Variants in SAGE1 observed in about 807,000 individuals in gnomAD.
SAGE1 encodes the protein sarcoma antigen 1, also known as cancer/testis antigen 14.
A neutral mutation model predicts 55.4 loss-of-function variants in SAGE1; 55 were observed. The ratio of observed to expected loss-of-function variants is 0.99; its 90% CI spans 0.80 to 1.24. The LOEUF (loss-of-function observed/expected upper bound fraction) is 1.24. Ranked by LOEUF, SAGE1 falls within the 50% of genes most tolerant of loss-of-function variation. The probability of loss-of-function intolerance (pLI) is 0.00; values close to 1 mark genes in which losing one functional copy is unlikely to be tolerated. For missense variants in SAGE1, 710 were observed against 704.4 expected, an observed-to-expected ratio of 1.01 and a Z score of -0.09; for synonymous variants, 240 against 244.3, an observed-to-expected ratio of 0.98 and a Z score of 0.17.
At chrX:135,912,464 T>C (rs976940495) in intron 19 of SAGE1, 50 bp downstream of exon 19, 1 of 1,191,341 alleles carries the variant, frequency 8.4e-7, no homozygotes, top group East Asian at 3.0e-5. Flanking sequence ...TGCGCCCAAT[T>C]TGGGACAGGG....
At chrX:135,908,311 A>G (rs2088832789) in intron 11 of SAGE1, 82 bp downstream of exon 11, 3 of 1,063,115 alleles carry the variant, frequency 2.8e-6, no homozygotes, top group East Asian at 3.0e-5. Context: ...TGGTTTTATT[A>G]TATTGTCTTT....
intron 2 of SAGE1, among the ~76,000 whole-genome samples, chrX:135,896,540 T>A (rs1246405510): frequency 9.8e-6 from 1 of 102,307 alleles, no homozygotes; most frequent in African/African-American, 3.5e-5. Flanking sequence ...TTATTTTATT[T>A]TATTTTATTT....
rs781940522 is a variant in SAGE1 at position 135,906,038 on chromosome X, C to CA, written c.470dup (p.His157GlnfsTer5). On this transcript the variant is annotated frameshift_variant, in exon 6 of 20. Transcript: ENST00000370709. LOFTEE classifies it high-confidence loss of function. ...TTGGTTTCCAGATTCTACCGTCACT[C>CA]ACAATATCCGTGAAGAGAGAATGGA... The CA allele has an allele frequency of 3.1e-4, 375 of 1,204,946 alleles. No homozygotes were observed. The highest frequency in any genetic ancestry group is 4.1e-4 in the Non-Finnish European group (365 of 892,555).
At chrX:135,902,846 G>A (rs1556597715) in intron 3 of SAGE1, among the ~76,000 whole-genome samples, 1 of 111,965 alleles carries the variant, frequency 8.9e-6, no homozygotes, top group Non-Finnish European at 1.9e-5. Context: ...TATGCCTCCA[G>A]TGCATGCTGC....
intron 6 of SAGE1, 60 bp from the exon 7 acceptor site, chrX:135,906,351 T>C (rs1450832957): frequency 2.7e-5 from 31 of 1,154,489 alleles, no homozygotes; most frequent in Non-Finnish European, 3.0e-5. Context: ...CAGAGGGATA[T>C]ACTTGTGAGT....
chrX:135,908,354 G>C, intron 11 of SAGE1, 123 bp from the exon 12 acceptor site: 1 of 1,012,704 alleles, frequency 9.9e-7, no homozygotes, highest in Non-Finnish European at 1.4e-6. Flanking sequence ...TCAGATCGCT[G>C]CCTGGTATAT....
chrX:135,911,470 C>A, intron 17 of SAGE1, 109 bp from the exon 18 acceptor site: 1 of 874,209 alleles, frequency 1.1e-6, no homozygotes, highest in Non-Finnish European at 1.6e-6. Context: ...CCTGGTGTAT[C>A]CTCTTGCTTC....
chrX:135,907,020 T>G lies in SAGE1; in HGVS notation c.831T>G (p.Ile277Met). 1 of 1,210,688 alleles carries G rather than the reference T, an allele frequency of 8.3e-7. No individual in the cohort carries two copies. Among genetic ancestry groups the G allele is most frequent in the Non-Finnish European group, 1.1e-6 (1 of 894,609 alleles). ...NILSTASTGL[I>M]NVAGAGTPAI... is the part of the protein sequence containing the mutation. ...TGTCAACTGCTTCAACAGGGCTTAT[T>G]AATGTGGCAGGAGCTGGTACTCCAG... The change falls in exon 8 of 20, where the codon ATT (isoleucine) becomes ATG (methionine). Residue 277 changes from isoleucine (I) to methionine (M), a missense_variant. Transcript: ENST00000370709.
At chrX:135,902,826 C>T (rs1243191457) in intron 3 of SAGE1, among the ~76,000 whole-genome samples, 2 of 112,025 alleles carry the variant, frequency 1.8e-5, no homozygotes, top group African/African-American at 6.5e-5. Flanking sequence ...TGCATCCAAC[C>T]ATTTCTCTCT....
At chrX:135,903,908 T>A (rs782502337) in intron 3 of SAGE1, among the ~76,000 whole-genome samples, 6 of 112,447 alleles carry the variant, frequency 5.3e-5, no homozygotes, top group African/African-American at 9.7e-5. Context: ...GTAGTTTTAT[T>A]GTATTATCTG....
At chrX:135,896,547 AT>A (rs1305348318) in intron 2 of SAGE1, among the ~76,000 whole-genome samples, 1 of 99,076 alleles carries the variant, frequency 1.0e-5, no homozygotes, top group African/African-American at 3.6e-5. Context: ...ATTTTATTTT[AT>A]TTTATTTATA....
chrX:135,904,546 T>G lies in SAGE1; in HGVS notation c.290T>G (p.Leu97Trp), dbSNP rs1258100187. ...NNGQPVADNV[L>W]STAPPWPDAT... ...GGCCAACCAGTAGCTGATAATGTCT[T>G]GTCAACTGCTCCACCATGGCCTGGT... The change falls in exon 4 of 20, where the codon TTG becomes TGG. Residue 97 changes from leucine (L) to tryptophan (W), a missense_variant. Transcript: ENST00000370709. The G allele has an allele frequency of 8.4e-7, 1 of 1,193,448 alleles. No homozygotes were observed. The highest frequency in any genetic ancestry group is 1.1e-6 in the Non-Finnish European group (1 of 881,035).
intron 2 of SAGE1, among the ~76,000 whole-genome samples, chrX:135,898,811 A>T (rs782674233): frequency 8.9e-6 from 1 of 111,780 alleles, no homozygotes; most frequent in East Asian, 2.8e-4. Flanking sequence ...GTGTCTGTTC[A>T]TGTCCTTTGC....
At chrX:135,898,163 G>A (rs1225362789) in intron 2 of SAGE1, among the ~76,000 whole-genome samples, 2 of 111,089 alleles carry the variant, frequency 1.8e-5, no homozygotes, top group South Asian at 3.9e-4. Context: ...TACTGCAAGC[G>A]CCCGCCACCA....
Position 135,913,040 on chromosome X carries a change from ATC to A in SAGE1, c.*147_*148del, listed in dbSNP as rs1365688734. On this transcript the variant is annotated 3_prime_UTR_variant, in exon 20 of 20. Transcript: ENST00000370709. Reference sequence around the variant, plus strand: ...AAAGGGAGCTGTTTAAATTTAATAAATCTCTGTTAGTAAAAGCTGCACTTTTC... The same window carrying A: ...AAAGGGAGCTGTTTAAATTTAATAAATCTGTTAGTAAAAGCTGCACTTTTC... 1 of 446,165 alleles carries A rather than the reference ATC, an allele frequency of 2.2e-6. No homozygotes were observed. Among genetic ancestry groups the A allele is most frequent in the Non-Finnish European group, 3.9e-6 (1 of 255,895 alleles). The allele number at this position is 446,165 out of a possible 1,213,427, so 36.8% of individuals were successfully genotyped here. A position where few individuals can be genotyped will look rare whatever the true frequency, so the allele number is the denominator to read the frequency against.
rs782781678 is a variant in SAGE1 at position 135,910,390 on chromosome X, G to A, written c.1865-25G>A. 1.7e-5 allele frequency: 20 copies of A among 1,205,684 alleles called. No individual in the cohort carries two copies. The East Asian group carries it at 5.3e-4, about 32-fold the overall frequency. On this transcript the variant is annotated intron_variant, in intron 15 of 19. Coordinates refer to ENST00000370709, the MANE Select transcript of SAGE1 (RefSeq NM_001381902.1). ...GGTTGACATAATGCACTTACCTCAC[G>A]CCCAACCTCTTCTTTTGTTTCCAGA...
chrX:135,898,804 T>C (rs1345949131), intron 2 of SAGE1, among the ~76,000 whole-genome samples: 1 of 112,336 alleles, frequency 8.9e-6, no homozygotes, highest in Non-Finnish European at 1.9e-5. Context: ...TTGAGACGTG[T>C]CTGTTCATGT....
At chrX:135,912,006 A>G (rs782266083) in intron 18 of SAGE1, 53 bp downstream of exon 18, 13 of 1,185,174 alleles carry the variant, frequency 1.1e-5, no homozygotes, top group Admixed American at 2.3e-5. Flanking sequence ...GTCTCATTCT[A>G]TGATTTAGAA....
At chrX:135,907,149 T>G in intron 8 of SAGE1, 83 bp downstream of exon 8, 4 of 1,081,171 alleles carry the variant, frequency 3.7e-6, no homozygotes, top group Non-Finnish European at 5.0e-6. Flanking sequence ...GAGGTTTTGT[T>G]GTATCATCTA....
Sources: allele counts gnomAD v4.1 joint callset (sites outside exome capture counted in the v4.1 genomes callset), GRCh38; gene constraint gnomAD v4.1.1; transcripts MANE v1.5; gene names NCBI Gene and HGNC (gene_info 2026-07-23, HGNC 2026-07-21).